Variants in ATRX observed in about 807,000 individuals in gnomAD.
ATRX encodes chromatin remodeler ATRX.
ATRX carries 12 observed loss-of-function variants against 172.6 expected under a neutral mutation model. The observed-to-expected ratio is 0.07, with a 90% CI of 0.04 to 0.11. The LOEUF is 0.11. ATRX is among the 10% of genes least tolerant of loss of function. The pLI, the probability that ATRX is intolerant of heterozygous loss-of-function variation, is 1.00. For missense variants in ATRX, 1,368 were observed against 1,767.4 expected (o/e 0.77, Z 4.05); for synonymous variants, 674 against 594.7 (o/e 1.13, Z -1.94).
At chrX:77,748,115 T>C (rs1374250826) in intron 1 of ATRX, among the ~76,000 whole-genome samples, 1 of 111,677 alleles carries the variant, frequency 9.0e-6, no homozygotes, top group Non-Finnish European at 1.9e-5. Flanking sequence ...ATCATTTAAT[T>C]TGGGGCCCAC....
At chrX:77,539,870 T>C (rs782291992) in intron 30 of ATRX, among the ~76,000 whole-genome samples, 3 of 111,902 alleles carry the variant, frequency 2.7e-5, no homozygotes, top group Non-Finnish European at 3.8e-5. Flanking sequence ...ACATGCCAAA[T>C]TGTAAAGACC....
chrX:77,767,810 AAGG>A (rs2076025651), intron 1 of ATRX, among the ~76,000 whole-genome samples: 1 of 111,807 alleles, frequency 8.9e-6, no homozygotes, highest in South Asian at 3.7e-4. Flanking sequence ...CTTCGGACCA[AAGG>A]AGAAGTCTGG....
At chrX:77,707,335 A>G (rs1401690153) in intron 2 of ATRX, among the ~76,000 whole-genome samples, 2 of 112,658 alleles carry the variant, frequency 1.8e-5, no homozygotes, top group Non-Finnish European at 3.7e-5. Flanking sequence ...AGGACTGTAC[A>G]TTTAAAATTA....
At chrX:77,525,931 G>C (rs1199002640) in intron 30 of ATRX, among the ~76,000 whole-genome samples, 3 of 111,947 alleles carry the variant, frequency 2.7e-5, no homozygotes, top group East Asian at 5.6e-4. Context: ...TTCCAGAAAT[G>C]CATGTGCACA....
At chrX:77,752,601 G>A (rs1225831912) in intron 1 of ATRX, among the ~76,000 whole-genome samples, 2 of 111,919 alleles carry the variant, frequency 1.8e-5, no homozygotes, top group Admixed American at 1.9e-4. Flanking sequence ...ACTGGCTATG[G>A]GTTGTCATAA....
In ATRX at chrX:77,722,892, A is replaced by C. The variant is rs781939434; in HGVS notation, c.21-5649T>G. 4.1e-4 allele frequency among the ~76,000 whole-genome samples: 46 copies of C among 111,754 alleles called. 1 individual carries two copies. Among genetic ancestry groups the C allele is most frequent in the Admixed American group, 7.6e-4 (8 of 10,471 alleles). On this transcript the variant is annotated intron_variant, in intron 1 of 34. Coordinates refer to ENST00000373344, the MANE Select transcript of ATRX (RefSeq NM_000489.6). Reference sequence around the variant, plus strand: ...TTCTACTATAAAGACACATGCACACATGTTTACTGCAGCACTATTCACAAT... The same window carrying C: ...TTCTACTATAAAGACACATGCACACCTGTTTACTGCAGCACTATTCACAAT...
At chrX:77,715,482 T>C (rs1407091937) in intron 2 of ATRX, among the ~76,000 whole-genome samples, 1 of 112,210 alleles carries the variant, frequency 8.9e-6, no homozygotes, top group African/African-American at 3.2e-5. Flanking sequence ...ACCTATCCCA[T>C]AGTTAAGTGA....
At chrX:77,666,062 CA>C (rs2070220517) in intron 10 of ATRX, among the ~76,000 whole-genome samples, 1 of 112,055 alleles carries the variant, frequency 8.9e-6, no homozygotes, top group Non-Finnish European at 1.9e-5. Flanking sequence ...AGATGCATAG[CA>C]AAGGCATCTA....
intron 1 of ATRX, among the ~76,000 whole-genome samples, chrX:77,723,845 C>T (rs943814678): frequency 7.1e-5 from 8 of 112,171 alleles, no homozygotes; most frequent in Middle Eastern, 4.6e-3. Context: ...GACTGCCACA[C>T]TCATTCCCAA....
intron 34 of ATRX, among the ~76,000 whole-genome samples, chrX:77,514,559 G>A (rs2062987985): frequency 1.8e-5 from 2 of 112,261 alleles, no homozygotes; most frequent in Admixed American, 1.9e-4. Flanking sequence ...GCCACAGGGA[G>A]AAGATTGAAA....
At chrX:77,608,836 G>A (rs782747820) in intron 22 of ATRX, among the ~76,000 whole-genome samples, 10 of 111,598 alleles carry the variant, frequency 9.0e-5, no homozygotes, top group Admixed American at 2.9e-4. Flanking sequence ...TGCAAACTAC[G>A]CATCTGACAA....
intron 26 of ATRX, among the ~76,000 whole-genome samples, chrX:77,591,647 A>G (rs2066261453): frequency 9.0e-6 from 1 of 111,693 alleles, no homozygotes; most frequent in Non-Finnish European, 1.9e-5. Context: ...AACTACTTCT[A>G]GAATGTTGGT....
At chrX:77,706,223 C>T (rs2072813015) in intron 2 of ATRX, among the ~76,000 whole-genome samples, 1 of 107,795 alleles carries the variant, frequency 9.3e-6, no homozygotes, top group Non-Finnish European at 1.9e-5. Context: ...GGCCCGAGTA[C>T]CCCTCCCACC....
chrX:77,710,855 T>A (rs1369504840), intron 2 of ATRX, among the ~76,000 whole-genome samples: 2 of 110,015 alleles, frequency 1.8e-5, no homozygotes, highest in African/African-American at 6.6e-5. Flanking sequence ...AATCCTGTGT[T>A]GATGAACTAT....
At chrX:77,556,581 A>G (rs1221210390) in intron 30 of ATRX, among the ~76,000 whole-genome samples, 1 of 111,156 alleles carries the variant, frequency 9.0e-6, no homozygotes, top group African/African-American at 3.3e-5. Flanking sequence ...AGTTTTCCAT[A>G]AATTTGAGGA....
intron 30 of ATRX, among the ~76,000 whole-genome samples, chrX:77,556,861 G>A (rs1225215492): frequency 1.8e-5 from 2 of 112,049 alleles, no homozygotes; most frequent in Non-Finnish European, 3.8e-5. Context: ...GGTCAGATAT[G>A]ATTTGAAGAC....
rs1224247658 is a variant in ATRX, at chrX:77,766,250, T to A, written c.20+19732A>T. On this transcript the variant is annotated intron_variant, in intron 1 of 34. Coordinates refer to ENST00000373344, the MANE Select transcript of ATRX (RefSeq NM_000489.6). The stretch of plus-strand genomic sequence containing the variant: ...GTGGCCGGGCAGAGGGGCTCCTCAC[T>A]TCCCAGCAGGGGCGGCCGGGCAGAG... Among the ~76,000 whole-genome samples the A allele has an allele frequency of 4.5e-5, 5 of 109,964 alleles. No homozygotes were observed. The South Asian group carries it at 1.9e-3, about 42-fold the overall frequency.
chrX:77,508,533 G>C lies in ATRX; in HGVS notation c.7297C>G (p.Leu2433Val). ...QQQMTYQQAT[L>V]GHLMMPKPPN... ...GGCTTTGGCATCATGAGGTGACCCA[G>C]TGTTGCTTGTTGATAAGTCATTTGT... The change falls in exon 35 of 35, where the codon CTG becomes GTG. Residue 2433 changes from leucine (L) to valine (V), a missense_variant. Coordinates refer to ENST00000373344, the MANE Select transcript of ATRX (RefSeq NM_000489.6). 8.3e-7 allele frequency: 1 copy of C among 1,211,751 alleles called. No individual in the cohort carries two copies. The highest frequency in any genetic ancestry group is 1.1e-6 in the Non-Finnish European group (1 of 895,522).
chrX:77,649,163 TGAAA>T (rs1430491700), intron 15 of ATRX, among the ~76,000 whole-genome samples: 2 of 106,432 alleles, frequency 1.9e-5, no homozygotes, highest in African/African-American at 6.9e-5. Flanking sequence ...GACCCTATCT[TGAAA>T]GAAAGAAAAA....
Sources: allele counts gnomAD v4.1 joint callset (sites outside exome capture counted in the v4.1 genomes callset), GRCh38; gene constraint gnomAD v4.1.1; transcripts MANE v1.5; gene names NCBI Gene and HGNC (gene_info 2026-07-23, HGNC 2026-07-21).